CLVS1: variants seen among roughly 807,000 people sequenced by gnomAD.
The protein encoded by CLVS1 is clavesin-1.
A neutral mutation model predicts 33.1 loss-of-function variants in CLVS1; 10 were observed. The ratio of observed to expected loss-of-function variants is 0.30; its 90% CI spans 0.19 to 0.51. CLVS1 has a LOEUF of 0.51. Ranked by LOEUF, CLVS1 falls within the 20% of genes least tolerant of loss-of-function variation. The pLI, the probability that CLVS1 is intolerant of heterozygous loss-of-function variation, is 0.97. For synonymous variants in CLVS1, 163 were observed against 166.1 expected (o/e 0.98, Z 0.14); for missense variants, 343 against 433.4 (o/e 0.79, Z 1.85).
chr8:61,177,425 A>G (rs755462873), intron 2 of CLVS1, among the ~76,000 whole-genome samples: 13 of 152,198 alleles, frequency 8.5e-5, no homozygotes, highest in African/African-American at 2.9e-4. Context: ...GGAATCCATC[A>G]GCCCAGACGA....
At chr8:61,105,192 A>T (rs1795024292) in intron 1 of CLVS1, among the ~76,000 whole-genome samples, 1 of 152,252 alleles carries the variant, frequency 6.6e-6, no homozygotes, top group Non-Finnish European at 1.5e-5. Flanking sequence ...GACTTTCTTA[A>T]AGTAGTGTTC....
chr8:61,110,090 TG>T (rs2129288045), intron 1 of CLVS1, among the ~76,000 whole-genome samples: 1 of 152,340 alleles, frequency 6.6e-6, no homozygotes, highest in East Asian at 1.9e-4. Flanking sequence ...TGGCTGCTAA[TG>T]GTGCACGGTT....
At chr8:61,291,147 A>G (rs1026097315) in intron 1 of CLVS1, among the ~76,000 whole-genome samples, 1 of 152,154 alleles carries the variant, frequency 6.6e-6, no homozygotes, top group Non-Finnish European at 1.5e-5. Flanking sequence ...CCTAAGTCTG[A>G]TGCCTCCCAT....
the CLVS1 span, among the ~76,000 whole-genome samples, chr8:61,035,175 C>CTTTTCTT: frequency 1.7e-5 from 2 of 115,498 alleles, 1 homozygote; most frequent in African/African-American, 6.5e-5. Flanking sequence ...CTTTTCTTTT[C>CTTTTCTT]TTTTCTTTTT....
At chr8:61,294,508 TTAAAG>T (rs1810117916) in intron 1 of CLVS1, among the ~76,000 whole-genome samples, 1 of 152,154 alleles carries the variant, frequency 6.6e-6, no homozygotes, top group South Asian at 2.1e-4. Flanking sequence ...GAATTTACAG[TTAAAG>T]TAAAGTAGAT....
At chr8:61,148,199 T>C (rs1465449389) in intron 2 of CLVS1, among the ~76,000 whole-genome samples, 2 of 152,252 alleles carry the variant, frequency 1.3e-5, no homozygotes, top group East Asian at 3.8e-4. Context: ...TGCATATTTC[T>C]CACTTATGTG....
chr8:61,033,057 A>T, the CLVS1 span, among the ~76,000 whole-genome samples: 3 of 60,254 alleles, frequency 5.0e-5, no homozygotes, highest in Admixed American at 2.8e-4. Flanking sequence ...AAAAGAAAGA[A>T]AGATAGAAAG....
At chr8:61,415,177 C>G (rs576470651) in intron 3 of CLVS1, among the ~76,000 whole-genome samples, 9 of 152,354 alleles carry the variant, frequency 5.9e-5, no homozygotes, top group African/African-American at 2.2e-4. Flanking sequence ...TTTCTCTACT[C>G]TCACAGGCTT....
At chr8:61,165,984 C>T (rs1806854265) in intron 2 of CLVS1, among the ~76,000 whole-genome samples, 1 of 146,142 alleles carries the variant, frequency 6.8e-6, no homozygotes, top group Non-Finnish European at 1.5e-5. Flanking sequence ...CAAAATATAG[C>T]AAGGCAAGAA....
chr8:61,330,157 C>T (rs1003473369), intron 2 of CLVS1, among the ~76,000 whole-genome samples: 1 of 152,136 alleles, frequency 6.6e-6, no homozygotes, highest in East Asian at 1.9e-4. Context: ...CTAGGTGGTG[C>T]TTCTGTGTGT....
chr8:61,406,431 G>T (rs1814988474), intron 3 of CLVS1, among the ~76,000 whole-genome samples: 1 of 152,104 alleles, frequency 6.6e-6, no homozygotes, highest in Non-Finnish European at 1.5e-5. Flanking sequence ...CACTACATAG[G>T]CTAGCAATAA....
At chr8:61,365,791 G>T (rs1227052119) in intron 2 of CLVS1, among the ~76,000 whole-genome samples, 2 of 151,024 alleles carry the variant, frequency 1.3e-5, no homozygotes, top group African/African-American at 4.9e-5. Flanking sequence ...GTGTGTGTGT[G>T]TGTTGTCCAT....
chr8:61,279,032 G>A (rs1341586347), intron 2 of CLVS1, among the ~76,000 whole-genome samples: 1 of 152,228 alleles, frequency 6.6e-6, no homozygotes, highest in East Asian at 1.9e-4. Context: ...TAGCCATAGT[G>A]GGCCAATCAA....
At chr8:61,057,063 G>A (rs529509017), upstream of CLVS1, 7 of 152,146 alleles carry the variant, frequency 4.6e-5, no homozygotes, top group Admixed American at 4.6e-4. Flanking sequence ...TGAGGGTGAG[G>A]GGGGAGTAGG....
chr8:61,131,454 A>G (rs1806097244), intron 1 of CLVS1, among the ~76,000 whole-genome samples: 1 of 152,018 alleles, frequency 6.6e-6, no homozygotes, highest in Admixed American at 6.5e-5. Context: ...ATTGTGTTTG[A>G]GCGTTTCTGT....
intron 2 of CLVS1, among the ~76,000 whole-genome samples, chr8:61,328,188 A>G (rs990030257): frequency 1.3e-5 from 2 of 152,178 alleles, no homozygotes; most frequent in African/African-American, 4.8e-5. Flanking sequence ...CAGGGATTCC[A>G]ACTCAAATTC....
chr8:61,015,276 T>C, the CLVS1 span, among the ~76,000 whole-genome samples: 2 of 152,340 alleles, frequency 1.3e-5, no homozygotes, highest in Admixed American at 6.5e-5. Context: ...ACTTTATAGT[T>C]GAGGCAATTG....
chr8:61,216,058 G>A (rs111745719), intron 2 of CLVS1, among the ~76,000 whole-genome samples: 96 of 152,260 alleles, frequency 6.3e-4, no homozygotes, highest in African/African-American at 1.8e-3. Context: ...GAAAATATCC[G>A]CTTGCCTTCA....
intron 2 of CLVS1, among the ~76,000 whole-genome samples, chr8:61,245,279 T>A (rs1808782784): frequency 6.6e-6 from 1 of 152,130 alleles, no homozygotes; most frequent in Non-Finnish European, 1.5e-5. Context: ...GCCTCCTGAG[T>A]TCAAACAATT....
Sources: allele counts gnomAD v4.1 joint callset (sites outside exome capture counted in the v4.1 genomes callset), GRCh38; gene constraint gnomAD v4.1.1; transcripts MANE v1.5; gene names NCBI Gene and HGNC (gene_info 2026-07-23, HGNC 2026-07-21).